The following AFF3 variants were observed in gnomAD, a reference collection of about 807,000 sequenced individuals.
The protein encoded by AFF3 is AF4/FMR2 family member 3.
AFF3 carries 32 observed loss-of-function variants against 129.7 expected under a neutral mutation model. That is an observed-to-expected ratio of 0.25 (90% confidence interval 0.19 to 0.33). AFF3 has a LOEUF of 0.33. Among genes scored for constraint, AFF3 ranks in the 10% least tolerant of loss-of-function variants. AFF3 has a pLI of 1.00. For missense variants in AFF3, 1,373 were observed against 1,592.0 expected (o/e 0.86, Z 2.34); for synonymous variants, 644 against 635.4 (o/e 1.01, Z -0.20).
chr2:99,669,440 T>C (rs1202956171), intron 12 of AFF3, among the ~76,000 whole-genome samples: 7 of 136,442 alleles, frequency 5.1e-5, no homozygotes, highest in Admixed American at 4.5e-4. Context: ...ATAAACAATG[T>C]TGAATGAAAG....
intron 10 of AFF3, among the ~76,000 whole-genome samples, chr2:99,730,402 T>C (rs1448877523): frequency 6.6e-6 from 1 of 152,220 alleles, no homozygotes; most frequent in African/African-American, 2.4e-5. Context: ...TGCTGGAGTA[T>C]CTTACTTTCC....
intron 7 of AFF3, among the ~76,000 whole-genome samples, chr2:99,905,416 A>G (rs1694642769): frequency 6.6e-6 from 1 of 152,156 alleles, no homozygotes; most frequent in African/African-American, 2.4e-5. Context: ...CAGTCCGAAT[A>G]CTTTTTGTCT....
At chr2:99,966,689 CAAAAAAAAAAAAAAAAAAAAA>C (rs61351679) in intron 7 of AFF3, among the ~76,000 whole-genome samples, 1 of 36,686 alleles carries the variant, frequency 2.7e-5, no homozygotes, top group Admixed American at 6.8e-4. Context: ...GACTCCGTCT[CAAAAAAAAAAAAAAAAAAAAA>C]AAAAAAAAAA....
chr2:99,705,195 T>G (rs1677237954), intron 11 of AFF3, among the ~76,000 whole-genome samples: 1 of 152,072 alleles, frequency 6.6e-6, no homozygotes, highest in Non-Finnish European at 1.5e-5. Context: ...AGGCCCACAA[T>G]GCACAGATGC....
At chr2:99,991,022 G>A (rs1355843824) in intron 7 of AFF3, among the ~76,000 whole-genome samples, 1 of 152,118 alleles carries the variant, frequency 6.6e-6, no homozygotes, top group African/African-American at 2.4e-5. Flanking sequence ...AGGCCCCGCT[G>A]CATCCAACCT....
At chr2:100,118,042 A>G (rs1259720925) in intron 2 of AFF3, among the ~76,000 whole-genome samples, 2 of 152,134 alleles carry the variant, frequency 1.3e-5, no homozygotes, top group African/African-American at 4.8e-5. Flanking sequence ...CTCCAAAACC[A>G]GGGAAGGCCA....
At chr2:100,019,811 C>T (rs576127543) in intron 4 of AFF3, among the ~76,000 whole-genome samples, 2 of 152,218 alleles carry the variant, frequency 1.3e-5, no homozygotes, top group African/African-American at 4.8e-5. Flanking sequence ...AGTCTTCACG[C>T]CCTTTCCTCC....
intron 7 of AFF3, among the ~76,000 whole-genome samples, chr2:99,987,980 G>C (rs566168487): frequency 6.6e-6 from 1 of 152,242 alleles, no homozygotes; most frequent in East Asian, 1.9e-4. Context: ...ACTGTACTCA[G>C]TGCCAAGGAT....
At chr2:100,050,689 T>C (rs1686245742) in intron 4 of AFF3, among the ~76,000 whole-genome samples, 1 of 152,238 alleles carries the variant, frequency 6.6e-6, no homozygotes, top group Admixed American at 6.5e-5. Flanking sequence ...TCAGTGCACG[T>C]AGGATTTTGT....
In AFF3 at chr2:99,551,378, A is replaced by G; in HGVS notation, c.*96T>C. 6.6e-7 allele frequency: 1 copy of G among 1,508,656 alleles called. No homozygotes were observed. The highest frequency in any genetic ancestry group is 9.0e-7 in the Non-Finnish European group (1 of 1,105,796). 93.5% of individuals were successfully genotyped at this position (1,508,656 alleles called of 1,614,324 possible). On this transcript the variant is annotated 3_prime_UTR_variant, in exon 25 of 25. Transcript: ENST00000672756. ...CTGAGGAAATGTTCACCGCAGTCTG[A>G]TAAATGCTGTGGCTGGGAGTTTCAG...
Position 99,548,285 on chromosome 2 carries a change from A to C in AFF3, c.*3189T>G, listed in dbSNP as rs1674170469. 2 of 199,886 alleles carry C rather than the reference A, an allele frequency of 1.0e-5. No individual in the cohort carries two copies. The allele number at this position is 199,886 out of a possible 1,614,324, so 12.4% of individuals were successfully genotyped here. ...TAAAAATTATTTGCTTAAATTTGAG[A>C]GTCTCTGGAAGGATATACATCAAAC... is the stretch of plus-strand genomic sequence containing the variant. On this transcript the variant is annotated 3_prime_UTR_variant, in exon 25 of 25. Coordinates refer to ENST00000672756, the MANE Select transcript of AFF3 (RefSeq NM_001386135.1).
At chr2:100,117,943 C>T (rs1176144006) in intron 2 of AFF3, among the ~76,000 whole-genome samples, 1 of 152,138 alleles carries the variant, frequency 6.6e-6, no homozygotes, top group Non-Finnish European at 1.5e-5. Flanking sequence ...ATTCACTGTA[C>T]TCGAGTTTTC....
At chr2:100,125,525 A>G (rs1692147788) in intron 2 of AFF3, among the ~76,000 whole-genome samples, 1 of 152,190 alleles carries the variant, frequency 6.6e-6, no homozygotes, top group African/African-American at 2.4e-5. Context: ...TAATGAATGC[A>G]TGAAAAGAAG....
intron 7 of AFF3, among the ~76,000 whole-genome samples, chr2:99,969,135 A>G (rs1202323631): frequency 6.6e-6 from 1 of 152,214 alleles, no homozygotes; most frequent in Non-Finnish European, 1.5e-5. Flanking sequence ...TTGCTTGGGT[A>G]TAAGGGAGAG....
intron 11 of AFF3, among the ~76,000 whole-genome samples, chr2:99,677,917 C>T (rs1020759012): frequency 6.6e-6 from 1 of 152,106 alleles, no homozygotes; most frequent in Non-Finnish European, 1.5e-5. Context: ...CTCCTAGGCT[C>T]AAGCAATCGT....
intron 4 of AFF3, among the ~76,000 whole-genome samples, chr2:100,033,985 C>T (rs1369053419): frequency 1.3e-5 from 2 of 152,136 alleles, no homozygotes; most frequent in Non-Finnish European, 2.9e-5. Context: ...TTATATAGGG[C>T]ACAGAATTAT....
At chr2:99,889,128 A>ATT (rs201762342) in intron 7 of AFF3, among the ~76,000 whole-genome samples, 2 of 150,850 alleles carry the variant, frequency 1.3e-5, no homozygotes, top group African/African-American at 4.9e-5. Flanking sequence ...TTCTAGACAG[A>ATT]TTTTTTTTTT....
intron 10 of AFF3, among the ~76,000 whole-genome samples, chr2:99,733,392 A>C (rs113024934): frequency 1.2e-4 from 9 of 77,156 alleles, no homozygotes; most frequent in Non-Finnish European, 2.8e-4. Flanking sequence ...AAAAAAAAAA[A>C]CCAAAACAAC....
At chr2:99,935,183 G>A (rs1466893691) in intron 7 of AFF3, among the ~76,000 whole-genome samples, 2 of 152,174 alleles carry the variant, frequency 1.3e-5, no homozygotes, top group African/African-American at 4.8e-5. Context: ...CCAGAGCCAT[G>A]AAGACCCATC....
Sources: allele counts gnomAD v4.1 joint callset (sites outside exome capture counted in the v4.1 genomes callset), GRCh38; gene constraint gnomAD v4.1.1; transcripts MANE v1.5; gene names NCBI Gene and HGNC (gene_info 2026-07-23, HGNC 2026-07-21).